HS2ST1: variants seen among roughly 807,000 people sequenced by gnomAD.
The protein encoded by HS2ST1 is heparan sulfate 2-O-sulfotransferase 1, also known as 2-O-sulfotransferase.
A neutral mutation model predicts 42.9 loss-of-function variants in HS2ST1; 18 were observed. The ratio of observed to expected loss-of-function variants is 0.42; its 90% CI spans 0.29 to 0.62. The LOEUF is 0.62. Among genes scored for constraint, HS2ST1 ranks in the 20% least tolerant of loss-of-function variants. The pLI, the probability that HS2ST1 is intolerant of heterozygous loss-of-function variation, is 0.21. For missense variants in HS2ST1, 334 were observed against 433.8 expected, an observed-to-expected ratio of 0.77 and a Z score of 2.04; for synonymous variants, 146 against 152.9, an observed-to-expected ratio of 0.95 and a Z score of 0.33.
intron 1 of HS2ST1, among the ~76,000 whole-genome samples, chr1:86,916,524 A>G (rs1660161677): frequency 6.6e-6 from 1 of 152,240 alleles, no homozygotes; most frequent in African/African-American, 2.4e-5. Flanking sequence ...ATCTGAGTGA[A>G]GTGCAACTAA....
chr1:87,107,315 C>T lies in HS2ST1; in HGVS notation c.*2619C>T, dbSNP rs757319361. 1 of 151,858 alleles carries T rather than the reference C, an allele frequency of 6.6e-6. No individual in the cohort carries two copies. Among genetic ancestry groups the T allele is most frequent in the Non-Finnish European group, 1.5e-5 (1 of 67,888 alleles). The allele number at this position is 151,858 out of a possible 1,614,324, so 9.4% of individuals were successfully genotyped here. ...GTTTCCAGGTGGGCATGGTTTATTT[C>T]CCAGTTTAACAGTTCAGAATAGGGG... On this transcript the variant is annotated 3_prime_UTR_variant, in exon 7 of 7. Transcript: ENST00000370550.
chr1:86,995,464 C>T (rs1430262889), intron 1 of HS2ST1, among the ~76,000 whole-genome samples: 1 of 151,976 alleles, frequency 6.6e-6, no homozygotes, highest in African/African-American at 2.4e-5. Flanking sequence ...AATTCCTGGG[C>T]AACATAGAGG....
rs553847589 is a variant in HS2ST1, at chr1:86,941,072, G to C, written c.124+25912G>C. ...GTAGTCCAAACATCTGTAATATGCTGTAGAACTGGAACAAAATGATATTAA... is the reference window on the plus strand; with the variant it reads ...GTAGTCCAAACATCTGTAATATGCTCTAGAACTGGAACAAAATGATATTAA... On this transcript the variant is annotated intron_variant, in intron 1 of 6. Coordinates refer to ENST00000370550, the MANE Select transcript of HS2ST1 (RefSeq NM_012262.4). Among the ~76,000 whole-genome samples, 53 of 152,306 alleles carry C rather than the reference G, an allele frequency of 3.5e-4. 1 individual carries two copies. The highest frequency in any genetic ancestry group is 3.7e-4 in the Non-Finnish European group (25 of 68,024).
At position 86,977,521 on chromosome 1, in the gene HS2ST1, A is replaced by G. The variant is rs1043585738; in HGVS notation, c.124+62361A>G. 7.2e-5 allele frequency among the ~76,000 whole-genome samples: 11 copies of G among 152,246 alleles called. No homozygotes were observed. In the East Asian group the frequency reaches 7.7e-4, roughly 11 times the overall value. ...TGTCATATGCTAAAATAATGTGACT[A>G]TTGTGACATTTACTGAGACAAAATT... On this transcript the variant is annotated intron_variant, in intron 1 of 6. Coordinates refer to ENST00000370550, the MANE Select transcript of HS2ST1 (RefSeq NM_012262.4).
At chr1:87,033,003 C>G (rs1212593648) in intron 1 of HS2ST1, among the ~76,000 whole-genome samples, 1 of 152,044 alleles carries the variant, frequency 6.6e-6, no homozygotes, top group African/African-American at 2.4e-5. Flanking sequence ...GTGTTGTAAA[C>G]CCCATCTTCC....
chr1:86,943,438 C>T (rs547078464), intron 1 of HS2ST1, among the ~76,000 whole-genome samples: 93 of 152,154 alleles, frequency 6.1e-4, no homozygotes, highest in African/African-American at 1.6e-3. Context: ...CTTTTTAGTC[C>T]GGGTGCAGTG....
At chr1:87,028,509 T>G (rs966783987) in intron 1 of HS2ST1, among the ~76,000 whole-genome samples, 5 of 152,256 alleles carry the variant, frequency 3.3e-5, no homozygotes, top group Non-Finnish European at 7.3e-5. Context: ...GACATTCTGT[T>G]TTTTTAAAAG....
intron 1 of HS2ST1, among the ~76,000 whole-genome samples, chr1:86,926,259 T>C (rs1660417206): frequency 6.6e-6 from 1 of 152,230 alleles, no homozygotes; most frequent in Admixed American, 6.5e-5. Context: ...GGTTCTTTTT[T>C]GGCCTCAGTT....
chr1:86,922,612 A>G (rs1186831279), intron 1 of HS2ST1, among the ~76,000 whole-genome samples: 1 of 152,126 alleles, frequency 6.6e-6, no homozygotes, highest in Non-Finnish European at 1.5e-5. Flanking sequence ...ATAGAATTCT[A>G]AGCTGACATT....
intron 1 of HS2ST1, among the ~76,000 whole-genome samples, chr1:87,058,722 C>A (rs1651040391): frequency 6.6e-6 from 1 of 151,466 alleles, no homozygotes; most frequent in African/African-American, 2.4e-5. Context: ...CGTAATGTTA[C>A]CATATAGGAT....
chr1:87,079,621 T>C (rs1384396635), intron 2 of HS2ST1, among the ~76,000 whole-genome samples: 1 of 152,224 alleles, frequency 6.6e-6, no homozygotes, highest in Non-Finnish European at 1.5e-5. Flanking sequence ...CTTTAACATA[T>C]TGCCTTAGTT....
chr1:86,917,499 A>G (rs1660188291), intron 1 of HS2ST1, among the ~76,000 whole-genome samples: 1 of 150,926 alleles, frequency 6.6e-6, no homozygotes, highest in South Asian at 2.1e-4. Context: ...AGCCTGGGCA[A>G]TAGAGTGAGA....
intron 2 of HS2ST1, among the ~76,000 whole-genome samples, chr1:87,075,667 T>G (rs913767818): frequency 1.4e-4 from 22 of 152,156 alleles, no homozygotes; most frequent in Non-Finnish European, 5.9e-5. Flanking sequence ...CTTAGTTCAG[T>G]CTGCTTGATA....
chr1:87,067,523 G>A (rs953580792), intron 1 of HS2ST1, among the ~76,000 whole-genome samples: 1 of 152,124 alleles, frequency 6.6e-6, no homozygotes. Context: ...TAGGTTGCCT[G>A]TTCACTCTGA....
intron 1 of HS2ST1, among the ~76,000 whole-genome samples, chr1:86,939,137 A>T (rs1660714619): frequency 6.6e-6 from 1 of 152,218 alleles, no homozygotes; most frequent in Non-Finnish European, 1.5e-5. Flanking sequence ...TTTCTCAGAT[A>T]GCGATGAACC....
intron 2 of HS2ST1, among the ~76,000 whole-genome samples, chr1:87,076,972 A>G (rs1391717910): frequency 6.6e-6 from 1 of 152,208 alleles, no homozygotes; most frequent in African/African-American, 2.4e-5. Flanking sequence ...GGAGTTGCAG[A>G]TACTTTTCAG....
intron 1 of HS2ST1, among the ~76,000 whole-genome samples, chr1:86,931,488 C>T (rs539002036): frequency 6.6e-6 from 1 of 152,116 alleles, no homozygotes; most frequent in African/African-American, 2.4e-5. Context: ...AGCATTTTTG[C>T]AGCCTTTTAT....
At chr1:86,963,155 T>A (rs180700742) in intron 1 of HS2ST1, among the ~76,000 whole-genome samples, 1 of 151,670 alleles carries the variant, frequency 6.6e-6, no homozygotes. Context: ...TATTAAATCT[T>A]TTTTTTTGTA....
At chr1:86,983,229 T>A (rs960350404) in intron 1 of HS2ST1, among the ~76,000 whole-genome samples, 3 of 152,212 alleles carry the variant, frequency 2.0e-5, no homozygotes, top group Non-Finnish European at 2.9e-5. Flanking sequence ...CTACTCCTGG[T>A]AACAATTTTC....
Sources: gnomAD v4.1 joint callset for allele counts (sites outside exome capture counted in the v4.1 genomes callset) on GRCh38, gnomAD v4.1.1 for gene constraint, MANE v1.5 for transcripts, NCBI Gene and HGNC (gene_info 2026-07-23, HGNC 2026-07-21) for gene names.